Variants in C9orf85 observed in about 807,000 individuals in gnomAD.
C9orf85 encodes the protein uncharacterized protein C9orf85.
Under a neutral mutation model 14.9 loss-of-function variants are expected in C9orf85, and 16 were observed. The observed-to-expected ratio is 1.08, with a 90% confidence interval of 0.73 to 1.63. The LOEUF is 1.63. Ranked by LOEUF, C9orf85 falls within the 40% of genes most tolerant of loss-of-function variation. The probability of loss-of-function intolerance (pLI) is 0.00; values close to 1 mark genes in which losing one functional copy is unlikely to be tolerated. For synonymous variants in C9orf85, 45 were observed against 56.8 expected (o/e 0.79, Z 0.93); for missense variants, 172 against 186.1 (o/e 0.92, Z 0.44).
chr9:71,941,681 A>AT (rs1269859067), intron 1 of C9orf85: 1 of 152,220 alleles, frequency 6.6e-6, no homozygotes, highest in Non-Finnish European at 1.5e-5. Flanking sequence ...CAGTACTTGA[A>AT]TACGGATTGA....
chr9:71,951,550 G>T (rs569552067), intron 2 of C9orf85, among the ~76,000 whole-genome samples: 4 of 152,294 alleles, frequency 2.6e-5, no homozygotes, highest in East Asian at 3.9e-4. Context: ...TACTCCCTGC[G>T]GGAGGGCTGC....
chr9:71,932,663 G>A (rs1243098284), intron 1 of C9orf85, among the ~76,000 whole-genome samples: 1 of 152,126 alleles, frequency 6.6e-6, no homozygotes, highest in Non-Finnish European at 1.5e-5. Flanking sequence ...AAGAGAATCT[G>A]ACTTCCAGGG....
At chr9:71,939,036 G>A (rs1828265554) in intron 1 of C9orf85, among the ~76,000 whole-genome samples, 2 of 150,768 alleles carry the variant, frequency 1.3e-5, no homozygotes, top group Admixed American at 1.3e-4. Context: ...TAGAATCTCT[G>A]AGTGATAGGA....
intron 1 of C9orf85, among the ~76,000 whole-genome samples, chr9:71,938,902 G>C (rs1207744555): frequency 6.6e-6 from 1 of 151,472 alleles, no homozygotes; most frequent in African/African-American, 2.4e-5. Flanking sequence ...AGAGACTATA[G>C]TACATACAAT....
intron 2 of C9orf85, among the ~76,000 whole-genome samples, chr9:71,961,477 C>T (rs1435784666): frequency 1.3e-5 from 2 of 152,050 alleles, no homozygotes; most frequent in African/African-American, 4.8e-5. Context: ...AGGAGAATCG[C>T]TTGAACCTGG....
At chr9:71,970,413 G>T (rs1008526050) in intron 2 of C9orf85, among the ~76,000 whole-genome samples, 6 of 152,136 alleles carry the variant, frequency 3.9e-5, no homozygotes, top group African/African-American at 2.4e-5. Context: ...AGTACCTCAC[G>T]ATCCTTATAA....
At chr9:71,974,738 G>A (rs145181450), downstream of C9orf85, among the ~76,000 whole-genome samples, 533 of 152,244 alleles carry the variant, frequency 3.5e-3, 2 homozygotes, top group African/African-American at 9.9e-3. Flanking sequence ...AAACTTTGCC[G>A]GAGAGATTTT....
intron 2 of C9orf85, among the ~76,000 whole-genome samples, chr9:71,963,663 A>G (rs1432638277): frequency 1.3e-5 from 2 of 152,188 alleles, no homozygotes; most frequent in Admixed American, 6.5e-5. Context: ...GCCCCGGGCA[A>G]TGAGGGGCTT....
chr9:71,948,959 T>A (rs951601223), intron 2 of C9orf85, among the ~76,000 whole-genome samples: 4 of 152,236 alleles, frequency 2.6e-5, no homozygotes. Context: ...GTAAGGAAAT[T>A]TGGCAACTAT....
chr9:71,925,857 T>C (rs146505908), intron 1 of C9orf85, among the ~76,000 whole-genome samples: 176 of 152,370 alleles, frequency 1.2e-3, no homozygotes, highest in African/African-American at 4.2e-3. Context: ...ATTAGATTTA[T>C]ACAACTAAAC....
At chr9:71,935,456 C>T (rs1478042007) in intron 1 of C9orf85, among the ~76,000 whole-genome samples, 2 of 152,036 alleles carry the variant, frequency 1.3e-5, no homozygotes, top group East Asian at 3.9e-4. Flanking sequence ...ACATATTCTA[C>T]AGCATCAATG....
At chr9:71,969,622 G>T (rs1350261230) in intron 2 of C9orf85, among the ~76,000 whole-genome samples, 1 of 152,034 alleles carries the variant, frequency 6.6e-6, no homozygotes, top group African/African-American at 2.4e-5. Flanking sequence ...GCACCCCTTT[G>T]TTTGCTTTGA....
intron 1 of C9orf85, among the ~76,000 whole-genome samples, chr9:71,921,941 T>G (rs999478807): frequency 3.6e-5 from 5 of 139,126 alleles, no homozygotes; most frequent in Middle Eastern, 3.6e-3. Flanking sequence ...ATTATTATTA[T>G]TATTATTATT....
chr9:71,954,622 A>G (rs758585751), intron 2 of C9orf85, among the ~76,000 whole-genome samples: 5 of 152,100 alleles, frequency 3.3e-5, no homozygotes, highest in Admixed American at 1.3e-4. Flanking sequence ...GTAAACTGTA[A>G]TGGTGCTGGT....
At chr9:71,934,736 G>A (rs1828149020) in intron 1 of C9orf85, among the ~76,000 whole-genome samples, 2 of 152,028 alleles carry the variant, frequency 1.3e-5, no homozygotes, top group Non-Finnish European at 2.9e-5. Flanking sequence ...CAGGTGTGGT[G>A]CCTTGTGCCT....
At chr9:71,950,270 A>G (rs761262270) in intron 2 of C9orf85, among the ~76,000 whole-genome samples, 4 of 152,206 alleles carry the variant, frequency 2.6e-5, no homozygotes, top group Middle Eastern at 3.2e-3. Flanking sequence ...TGATGGTAGC[A>G]TTACTTAAAA....
chr9:71,977,188 A>G (rs142905350), downstream of C9orf85, among the ~76,000 whole-genome samples: 23 of 147,050 alleles, frequency 1.6e-4, no homozygotes, highest in African/African-American at 5.1e-4. Context: ...CTGTAAAAAA[A>G]AGTTTTTAAA....
intron 1 of C9orf85, among the ~76,000 whole-genome samples, chr9:71,926,634 GAA>G (rs58407244): frequency 0.91 from 105,444 of 115,806 alleles, 48,078 homozygotes; most frequent in East Asian, 0.97. Flanking sequence ...CACTGCTGTT[GAA>G]AAAAAAAAAA....
intron 3 of C9orf85, among the ~76,000 whole-genome samples, chr9:71,981,038 C>T (rs1027096682): frequency 6.6e-6 from 1 of 152,068 alleles, no homozygotes; most frequent in Non-Finnish European, 1.5e-5. Context: ...TACTACTGTC[C>T]GTAAATGTGA....
Sources: gnomAD v4.1 joint callset for allele counts (sites outside exome capture counted in the v4.1 genomes callset) on GRCh38, gnomAD v4.1.1 for gene constraint, MANE v1.5 for transcripts, NCBI Gene and HGNC (gene_info 2026-07-23, HGNC 2026-07-21) for gene names.